Variants in ZNF554 observed in about 807,000 individuals in gnomAD.
The protein encoded by ZNF554 is zinc finger protein 554.
Under a neutral mutation model 21.2 loss-of-function variants are expected in ZNF554, and 15 were observed. That is an observed-to-expected ratio of 0.71 (90% confidence interval 0.47 to 1.09). The LOEUF (loss-of-function observed/expected upper bound fraction) is 1.09. Ranked by LOEUF, ZNF554 falls within the 50% of genes least tolerant of loss-of-function variation. The pLI, the probability that ZNF554 is intolerant of heterozygous loss-of-function variation, is 0.00. For missense variants in ZNF554, 691 were observed against 662.7 expected (o/e 1.04, Z -0.47); for synonymous variants, 258 against 251.4 (o/e 1.03, Z -0.25).
intron 2 of ZNF554, among the ~76,000 whole-genome samples, chr19:2,827,259 G>A (rs2087347817): frequency 6.6e-6 from 1 of 152,220 alleles, no homozygotes; most frequent in Non-Finnish European, 1.5e-5. Context: ...TAACTTGCAA[G>A]TGGCATATCC....
rs112278260 is a variant in ZNF554 at position 2,828,536 on chromosome 19, G to C, written c.253+793G>C. 4.4e-3 allele frequency among the ~76,000 whole-genome samples: 662 copies of C among 152,048 alleles called. 5 individuals carry two copies. Among genetic ancestry groups the C allele is most frequent in the African/African-American group, 0.015 (604 of 41,494 alleles). On this transcript the variant is annotated intron_variant, in intron 3 of 4. Transcript: ENST00000317243. ...AAACCCTGTCTCTACTAAAAATGGC[G>C]GGCACCTGTAATCCCAGCTACTCAG...
At chr19:2,830,370 C>T (rs780706332) in intron 3 of ZNF554, among the ~76,000 whole-genome samples, 9 of 152,182 alleles carry the variant, frequency 5.9e-5, no homozygotes, top group Admixed American at 2.6e-4. Context: ...AAGATTCCAT[C>T]GTGTGTATAC....
At chr19:2,824,927 C>G (rs2087310106) in intron 2 of ZNF554, among the ~76,000 whole-genome samples, 1 of 151,800 alleles carries the variant, frequency 6.6e-6, no homozygotes, top group East Asian at 1.9e-4. Flanking sequence ...CTCTAGGGAC[C>G]TCCTAGGAGT....
In ZNF554 at chr19:2,834,225, G is replaced by T; in HGVS notation, c.990G>T (p.Gly330=). 6.2e-7 allele frequency: 1 copy of T among 1,614,056 alleles called. No homozygotes were observed. Among genetic ancestry groups the T allele is most frequent in the Non-Finnish European group, 8.5e-7 (1 of 1,180,050 alleles). Residue 330 remains glycine, a synonymous_variant, in exon 5 of 5, where the codon GGG becomes GGT. Transcript: ENST00000317243. ...AEKPFECHQC[G]KVFNRRHSLS... ...AACCCTTTGAGTGCCACCAGTGTGG[G>T]AAGGTGTTCAACCGGAGGCATTCTT...
Position 2,822,948 on chromosome 19 carries a change from T to C in ZNF554, c.54-92T>C, listed in dbSNP as rs2087281964. 21 of 1,401,510 alleles carry C rather than the reference T, an allele frequency of 1.5e-5. No homozygotes were observed. In the Admixed American group the frequency reaches 1.6e-4, roughly 11 times the overall value. The allele number at this position is 1,401,510 out of a possible 1,614,324, so 86.8% of individuals were successfully genotyped here. A position where few individuals can be genotyped will look rare whatever the true frequency, so the allele number is the denominator to read the frequency against. ...CCTCCCTCTGTGTATGGGGGGCCCC[T>C]TCAAGCAAATGGAGGTTCTCCAGGC... On this transcript the variant is annotated intron_variant, in intron 1 of 4. Transcript: ENST00000317243.
At position 2,820,113 on chromosome 19, in the gene ZNF554, G is replaced by A. The variant is rs1418147762; in HGVS notation, c.42G>A (p.Pro14=). ...ACCTGGGCCGGCGCGCGCGGCTCCC[G>A]GCAGCTCAGCCGTAAGTGCCGCCGC... is the stretch of plus-strand genomic sequence containing the variant. The part of the protein sequence containing the change: ...CAHLGRRARL[P]AAQPSACPGT... Residue 14 remains proline (P), a synonymous_variant, in exon 1 of 5, where the codon CCG becomes CCA. Transcript: ENST00000317243. 3.3e-6 allele frequency: 4 copies of A among 1,220,412 alleles called. No homozygotes were observed. In the African/African-American group the frequency reaches 4.7e-5, roughly 14 times the overall value. The allele number at this position is 1,220,412 out of a possible 1,614,324, so 75.6% of individuals were successfully genotyped here.
chr19:2,824,914 C>A (rs1470913866), intron 2 of ZNF554, among the ~76,000 whole-genome samples: 1 of 151,208 alleles, frequency 6.6e-6, no homozygotes, highest in East Asian at 2.0e-4. Flanking sequence ...CTGAATCTGA[C>A]AACTCTAGGG....
chr19:2,825,459 C>T (rs966324110), intron 2 of ZNF554, among the ~76,000 whole-genome samples: 9 of 151,848 alleles, frequency 5.9e-5, no homozygotes, highest in African/African-American at 1.7e-4. Context: ...TTACGGCACT[C>T]GCCACCATGC....
At chr19:2,832,982 G>C (rs1447371559) in intron 4 of ZNF554, among the ~76,000 whole-genome samples, 2 of 151,862 alleles carry the variant, frequency 1.3e-5, no homozygotes, top group African/African-American at 4.8e-5. Context: ...GGGAGTACAG[G>C]CATCAGCCAT....
At position 2,834,338 on chromosome 19, in the gene ZNF554, C is replaced by T. The variant is rs142404413; in HGVS notation, c.1103C>T (p.Thr368Met). Residue 368 changes from threonine (T) to methionine (M), a missense_variant, in exon 5 of 5, where the codon ACG becomes ATG. Transcript: ENST00000317243. ...GCCTTTACGCACAGCTCCACCCTCA[C>T]GCGCCATCTGAGAACTCATACTGGA... is the stretch of plus-strand genomic sequence containing the variant. ...GRAFTHSSTL[T>M]RHLRTHTGEK... 1.9e-4 allele frequency: 312 copies of T among 1,613,794 alleles called. No individual in the cohort carries two copies. The African/African-American group carries it at 3.2e-3, about 16-fold the overall frequency.
Position 2,821,958 on chromosome 19 carries a change from C to T in ZNF554, c.54-1082C>T, listed in dbSNP as rs191805282. ...GATTACAGACGTGAGTCACCTAGTC[C>T]AGCTGTCTCTTTCTCTTATAAGGAC... is the stretch of plus-strand genomic sequence containing the variant. On this transcript the variant is annotated intron_variant, in intron 1 of 4. Transcript: ENST00000317243. The surrounding 1 kb of genome is among the most constrained non-coding windows in gnomAD (Gnocchi z 8.2). 2.8e-4 allele frequency among the ~76,000 whole-genome samples: 43 copies of T among 152,262 alleles called. No individual in the cohort carries two copies. Among genetic ancestry groups the T allele is most frequent in the African/African-American group, 9.6e-4 (40 of 41,558 alleles).
intron 1 of ZNF554, among the ~76,000 whole-genome samples, chr19:2,820,597 C>G (rs913516336): frequency 1.3e-5 from 2 of 152,046 alleles, no homozygotes; most frequent in African/African-American, 4.8e-5. Flanking sequence ...CAGAGAATGA[C>G]CCAGGCTCCA....
intron 1 of ZNF554, among the ~76,000 whole-genome samples, chr19:2,820,542 G>A (rs372897247): frequency 1.3e-5 from 2 of 152,304 alleles, no homozygotes; most frequent in East Asian, 1.9e-4. Flanking sequence ...TTCCTGGCAT[G>A]GAGTAGGTGG....
At chr19:2,830,385 C>T (rs532251761) in intron 3 of ZNF554, among the ~76,000 whole-genome samples, 9 of 152,328 alleles carry the variant, frequency 5.9e-5, no homozygotes, top group South Asian at 4.1e-4. Flanking sequence ...GTATACAACA[C>T]GCTGTGTCCA....
chr19:2,828,210 A>T (rs983853901), intron 3 of ZNF554, among the ~76,000 whole-genome samples: 1 of 152,160 alleles, frequency 6.6e-6, no homozygotes, highest in Non-Finnish European at 1.5e-5. Context: ...GGTAAGTAAG[A>T]CAGACATGGG....
In ZNF554 at chr19:2,833,820, C is replaced by G; in HGVS notation, c.585C>G (p.Asp195Glu). 1 of 1,612,704 alleles carries G rather than the reference C, an allele frequency of 6.2e-7. No individual in the cohort carries two copies. Among genetic ancestry groups the G allele is most frequent in the Non-Finnish European group, 8.5e-7 (1 of 1,179,270 alleles). The change falls in exon 5 of 5, where the codon GAC becomes GAG. Residue 195 changes from aspartate to glutamate, a missense_variant. Transcript: ENST00000317243. ...GWKQLEDSHE[D>E]PQGLLSQKAS... ...AGCAGTTAGAGGACAGCCATGAAGA[C>G]CCCCAGGGGCTTTTGAGCCAAAAGG...
chr19:2,823,086 G>C lies in ZNF554; in HGVS notation c.100G>C (p.Ala34Pro). The change falls in exon 2 of 5, where the codon GCT (alanine) becomes CCT (proline). Residue 34 changes from alanine (A) to proline (P), a missense_variant. Coordinates refer to ENST00000317243, the MANE Select transcript of ZNF554 (RefSeq NM_001102651.2). Reference protein sequence around the residue: ...TCFSQEERMAAGYLPRWSQEL... With the variant: ...TCFSQEERMAPGYLPRWSQEL... ...CTTTTCCCAAGAGGAGAGAATGGCT[G>C]CTGGGTACCTGCCCCGCTGGTCCCA... The C allele has an allele frequency of 6.2e-7, 1 of 1,613,492 alleles. No homozygotes were observed. Among genetic ancestry groups the C allele is most frequent in the Non-Finnish European group, 8.5e-7 (1 of 1,179,530 alleles).
rs930378821 is a variant in ZNF554 at position 2,836,290 on chromosome 19, G to A, written c.*1438G>A. ...GCTGGGATTACGGGCGCGAGCCACT[G>A]TGCTGGGATTACAGGTGTGAGCCAC... On this transcript the variant is annotated 3_prime_UTR_variant, in exon 5 of 5. Transcript: ENST00000317243. 5.9e-5 allele frequency among the ~76,000 whole-genome samples: 9 copies of A among 151,948 alleles called. No individual in the cohort carries two copies. Among genetic ancestry groups the A allele is most frequent in the African/African-American group, 7.3e-5 (3 of 41,350 alleles).
intron 2 of ZNF554, among the ~76,000 whole-genome samples, chr19:2,825,202 G>A (rs1393124325): frequency 6.6e-6 from 1 of 151,954 alleles, no homozygotes; most frequent in African/African-American, 2.4e-5. Context: ...TAGTAGAGAC[G>A]GGGTTTCACC....
Sources: allele counts gnomAD v4.1 joint callset (sites outside exome capture counted in the v4.1 genomes callset), GRCh38; gene constraint gnomAD v4.1.1; non-coding constraint Gnocchi (gnomAD v3.1); transcripts MANE v1.5; gene names NCBI Gene and HGNC (gene_info 2026-07-23, HGNC 2026-07-21).